The following BCAT1 variants were observed in gnomAD, a reference collection of about 807,000 sequenced individuals.
The protein encoded by BCAT1 is branched-chain-amino-acid aminotransferase, cytosolic.
Under a neutral mutation model 52.4 loss-of-function variants are expected in BCAT1, and 48 were observed. That is an observed-to-expected ratio of 0.92 (90% CI 0.73 to 1.16). BCAT1 has a LOEUF of 1.16. Among genes scored for constraint, BCAT1 ranks in the 50% most tolerant of loss-of-function variants. The probability of loss-of-function intolerance (pLI) is 0.00; values close to 1 mark genes in which losing one functional copy is unlikely to be tolerated. For synonymous variants in BCAT1, 167 were observed against 161.3 expected, an observed-to-expected ratio of 1.04 and a Z score of -0.27; for missense variants, 451 against 457.1, an observed-to-expected ratio of 0.99 and a Z score of 0.12.
chr12:24,909,400 C>T (rs1451448154), intron 1 of BCAT1, among the ~76,000 whole-genome samples: 4 of 152,192 alleles, frequency 2.6e-5, no homozygotes, highest in Non-Finnish European at 5.9e-5. Flanking sequence ...TGCCAAGTCC[C>T]ATTCAACGAA....
intron 5 of BCAT1, among the ~76,000 whole-genome samples, chr12:24,873,883 T>C (rs1565475727): frequency 1.3e-5 from 2 of 152,206 alleles, no homozygotes; most frequent in Non-Finnish European, 2.9e-5. Context: ...AACAGTTAAT[T>C]AAACATGTTT....
At chr12:24,860,283 A>T (rs932843959) in intron 5 of BCAT1, among the ~76,000 whole-genome samples, 2 of 152,254 alleles carry the variant, frequency 1.3e-5, no homozygotes, top group Non-Finnish European at 2.9e-5. Flanking sequence ...AATATTGAGC[A>T]AACAGGAATT....
intron 7 of BCAT1, among the ~76,000 whole-genome samples, chr12:24,837,049 AAAAGAAAGAGAGAAGG>A (rs1231207182): frequency 7.2e-6 from 1 of 139,758 alleles, no homozygotes; most frequent in Non-Finnish European, 1.6e-5. Context: ...AAAAGAAAAG[AAAAGAAAGAGAGAAGG>A]AAAGAAAGAG....
intron 1 of BCAT1, among the ~76,000 whole-genome samples, chr12:24,927,483 A>T (rs575694833): frequency 6.6e-6 from 1 of 152,366 alleles, no homozygotes; most frequent in South Asian, 2.1e-4. Context: ...GAACACATGA[A>T]TCTTTCTCCA....
chr12:24,816,752 C>G lies in BCAT1; in HGVS notation c.*1256G>C, dbSNP rs937777859. 3 of 392,952 alleles carry G rather than the reference C, an allele frequency of 7.6e-6. No individual in the cohort carries two copies. Among genetic ancestry groups the G allele is most frequent in the African/African-American group, 6.2e-5 (3 of 48,432 alleles). The allele number at this position is 392,952 out of a possible 1,614,324, so 24.3% of individuals were successfully genotyped here. On this transcript the variant is annotated 3_prime_UTR_variant, in exon 11 of 11. Transcript: ENST00000261192. ...TTGTGGAAGACAATTTTTCCACAGA[C>G]TGCAGGGTGAAGGGTGGTTTCAGGA...
At chr12:24,824,272 C>CCTTCCTTCCTTCCTTCCTTCCT (rs1477491998) in intron 10 of BCAT1, among the ~76,000 whole-genome samples, 1,490 of 124,556 alleles carry the variant, frequency 0.012, 130 homozygotes, top group Middle Eastern at 0.026. Flanking sequence ...CCTTCATTCC[C>CCTTCCTTCCTTCCTTCCTTCCT]TCCCTCCCTC....
At chr12:24,946,059 C>T (rs2139771465) in intron 1 of BCAT1, among the ~76,000 whole-genome samples, 1 of 152,274 alleles carries the variant, frequency 6.6e-6, no homozygotes, top group East Asian at 1.9e-4. Flanking sequence ...TTCCAACTTC[C>T]TATACCAGTT....
intron 1 of BCAT1, among the ~76,000 whole-genome samples, chr12:24,948,719 C>A (rs148015554): frequency 6.6e-6 from 1 of 152,306 alleles, no homozygotes; most frequent in East Asian, 1.9e-4. Context: ...GCACGTCCTG[C>A]GAGTGGAGGT....
intron 4 of BCAT1, among the ~76,000 whole-genome samples, chr12:24,879,310 C>T (rs984929472): frequency 6.6e-6 from 1 of 151,892 alleles, no homozygotes; most frequent in African/African-American, 2.4e-5. Context: ...TGGATATCCC[C>T]AAAGTCAATG....
At chr12:24,949,152 A>C (rs1943984656), upstream of BCAT1, 3 of 584,570 alleles carry the variant, frequency 5.1e-6, no homozygotes, top group Non-Finnish European at 9.1e-6. Flanking sequence ...TTGCATCAGC[A>C]GGAAGACACT....
chr12:24,948,037 G>A (rs1386726091), intron 1 of BCAT1, among the ~76,000 whole-genome samples: 1 of 152,222 alleles, frequency 6.6e-6, no homozygotes, highest in African/African-American at 2.4e-5. Flanking sequence ...GATAAGAGCA[G>A]TTGAGAACCA....
chr12:24,855,775 TTTTTTC>T (rs1941660339), intron 5 of BCAT1, among the ~76,000 whole-genome samples: 1 of 151,940 alleles, frequency 6.6e-6, no homozygotes, highest in Admixed American at 6.6e-5. Context: ...CATCTTTATT[TTTTTTC>T]TTTTTCTTTT....
chr12:24,921,922 A>G (rs1324097886), intron 1 of BCAT1, among the ~76,000 whole-genome samples: 1 of 152,214 alleles, frequency 6.6e-6, no homozygotes, highest in Non-Finnish European at 1.5e-5. Flanking sequence ...ATAGTAATGA[A>G]AAAGTAAACC....
intron 5 of BCAT1, among the ~76,000 whole-genome samples, chr12:24,854,753 A>C (rs1239781673): frequency 6.6e-6 from 1 of 152,214 alleles, no homozygotes; most frequent in Admixed American, 6.5e-5. Context: ...GGTTGAGGAA[A>C]CTGAGGCTTC....
chr12:24,949,126 C>T (rs568208978), upstream of BCAT1: 1 of 595,076 alleles, frequency 1.7e-6, no homozygotes, highest in Non-Finnish European at 3.0e-6. Flanking sequence ...GCGGCGGAGA[C>T]TCGCGACCTA....
At chr12:24,887,052 G>C (rs1942683595) in intron 3 of BCAT1, among the ~76,000 whole-genome samples, 1 of 23,834 alleles carries the variant, frequency 4.2e-5, no homozygotes, top group South Asian at 1.9e-3. Flanking sequence ...GAACGAGAGA[G>C]ATGCTAGCTA....
chr12:24,943,852 C>A (rs541676844), intron 1 of BCAT1, among the ~76,000 whole-genome samples: 2 of 151,950 alleles, frequency 1.3e-5, no homozygotes, highest in Admixed American at 6.6e-5. Flanking sequence ...GGCGTGGTGG[C>A]GGGCGCCTGT....
intron 1 of BCAT1, among the ~76,000 whole-genome samples, chr12:24,925,867 C>T (rs892739156): frequency 6.6e-5 from 10 of 152,222 alleles, no homozygotes; most frequent in African/African-American, 2.4e-4. Context: ...GCCGGGATTG[C>T]AGACGGAGTC....
At chr12:24,944,008 T>C (rs577340190) in intron 1 of BCAT1, among the ~76,000 whole-genome samples, 13 of 150,786 alleles carry the variant, frequency 8.6e-5, no homozygotes, top group Admixed American at 6.6e-4. Flanking sequence ...AAAAAAGTAG[T>C]TTGCATGGCA....
Sources: allele counts gnomAD v4.1 joint callset (sites outside exome capture counted in the v4.1 genomes callset), GRCh38; gene constraint gnomAD v4.1.1; transcripts MANE v1.5; gene names NCBI Gene and HGNC (gene_info 2026-07-23, HGNC 2026-07-21).